RABEPK: variants seen among roughly 807,000 people sequenced by gnomAD.
The protein encoded by RABEPK is Rab9 effector protein with kelch motifs.
Under a neutral mutation model 34.1 loss-of-function variants are expected in RABEPK, and 27 were observed. The ratio of observed to expected loss-of-function variants is 0.79; its 90% CI spans 0.58 to 1.09. The LOEUF (loss-of-function observed/expected upper bound fraction) is 1.09, where lower values mean the gene tolerates loss of function less well. RABEPK is among the 50% of genes least tolerant of loss of function. The pLI is 0.00. For missense variants in RABEPK, 449 were observed against 462.6 expected (o/e 0.97, Z 0.27); for synonymous variants, 172 against 169.2 (o/e 1.02, Z -0.13).
At chr9:125,207,089 T>TAAA (rs80221176) in intron 2 of RABEPK, among the ~76,000 whole-genome samples, 1 of 133,064 alleles carries the variant, frequency 7.5e-6, no homozygotes, top group East Asian at 2.1e-4. Context: ...AACTCCATCT[T>TAAA]AAAAAAAAAA....
intron 5 of RABEPK, among the ~76,000 whole-genome samples, chr9:125,224,867 T>A (rs1402787479): frequency 1.3e-5 from 2 of 152,164 alleles, no homozygotes; most frequent in African/African-American, 2.4e-5. Context: ...CCAAATCCCA[T>A]ATTCTAACCA....
intron 3 of RABEPK, among the ~76,000 whole-genome samples, chr9:125,211,176 G>C (rs1043573938): frequency 2.0e-5 from 3 of 151,072 alleles, no homozygotes; most frequent in African/African-American, 7.3e-5. Context: ...GGCAGAGCTT[G>C]CAGTGAGCCG....
Position 125,233,814 on chromosome 9 carries a change from C to T in RABEPK, c.953C>T (p.Thr318Ile), listed in dbSNP as rs779522828. Residue 318 changes from threonine to isoleucine, a missense_variant, in exon 8 of 8, where the codon ACT becomes ATT. Thr to Ile is a moderately conservative substitution (Grantham distance 89). Transcript: ENST00000373538. ...GAGAAAGAAGATTCCAACTCTCTCACTCTGAACCATGAAGCTGAGAAAGAG... is the reference window on the plus strand; with the variant it reads ...GAGAAAGAAGATTCCAACTCTCTCATTCTGAACCATGAAGCTGAGAAAGAG... The part of the protein sequence containing the change: ...ASEKEDSNSL[T>I]LNHEAEKEDS... 7.4e-6 allele frequency: 12 copies of T among 1,614,044 alleles called. No individual in the cohort carries two copies. Among genetic ancestry groups the T allele is most frequent in the Admixed American group, 1.7e-5 (1 of 59,978 alleles).
intron 3 of RABEPK, among the ~76,000 whole-genome samples, chr9:125,212,045 T>TAA (rs1830622314): frequency 6.6e-6 from 1 of 152,196 alleles, no homozygotes; most frequent in African/African-American, 2.4e-5. Flanking sequence ...ACTTACATCT[T>TAA]TATTGCAACC....
At chr9:125,203,577 C>T (rs1385902127) in intron 2 of RABEPK, among the ~76,000 whole-genome samples, 1 of 152,142 alleles carries the variant, frequency 6.6e-6, no homozygotes, top group Non-Finnish European at 1.5e-5. Flanking sequence ...TCAGGGCCCA[C>T]AGAAGGTTGT....
intron 3 of RABEPK, among the ~76,000 whole-genome samples, chr9:125,209,560 G>A (rs1225731897): frequency 6.6e-6 from 1 of 152,076 alleles, no homozygotes; most frequent in Non-Finnish European, 1.5e-5. Flanking sequence ...ATGTTGGCCA[G>A]GCTGGTCTCA....
intron 4 of RABEPK, among the ~76,000 whole-genome samples, chr9:125,217,526 G>A (rs1235170052): frequency 6.6e-5 from 10 of 151,978 alleles, no homozygotes; most frequent in African/African-American, 2.4e-4. Flanking sequence ...TCAGCCTCTC[G>A]AGTAGCTGGG....
chr9:125,210,446 G>A (rs1247553529), intron 3 of RABEPK, among the ~76,000 whole-genome samples: 2 of 148,212 alleles, frequency 1.3e-5, no homozygotes, highest in African/African-American at 2.5e-5. Context: ...TTAGCTGGGC[G>A]TGGTGACTCA....
intron 5 of RABEPK, among the ~76,000 whole-genome samples, chr9:125,224,790 C>T (rs1280478599): frequency 1.3e-5 from 2 of 152,096 alleles, no homozygotes; most frequent in African/African-American, 4.8e-5. Flanking sequence ...GCCATAGAAA[C>T]TGCAGCTTAG....
At chr9:125,220,895 G>T (rs1160412746) in intron 5 of RABEPK, 195 bp downstream of exon 5, 11 of 664,154 alleles carry the variant, frequency 1.7e-5, no homozygotes, top group Non-Finnish European at 2.5e-5. Context: ...GGCCTGGCAT[G>T]GTGGCTCACA....
At chr9:125,224,426 T>C (rs937633182) in intron 5 of RABEPK, among the ~76,000 whole-genome samples, 1 of 151,202 alleles carries the variant, frequency 6.6e-6, no homozygotes, top group Non-Finnish European at 1.5e-5. Context: ...ATTTAATTCA[T>C]ACCTCAGCTC....
rs949385156 is a variant in RABEPK, at chr9:125,200,690, A to C, written c.-223A>C. On this transcript the variant is annotated 5_prime_UTR_variant, in exon 1 of 8. Coordinates refer to ENST00000373538, the MANE Select transcript of RABEPK (RefSeq NM_005833.4). ...AGGGGAGTGGGCCCAAGCCGGGTGCAAAGAACGGGGAAGGGCCTTCCCTGG... is the reference window on the plus strand; with the variant it reads ...AGGGGAGTGGGCCCAAGCCGGGTGCCAAGAACGGGGAAGGGCCTTCCCTGG... 1 of 471,222 alleles carries C rather than the reference A, an allele frequency of 2.1e-6. No individual in the cohort carries two copies. Among genetic ancestry groups the C allele is most frequent in the Non-Finnish European group, 4.4e-6 (1 of 227,062 alleles). 29.2% of individuals were successfully genotyped at this position (471,222 alleles called of 1,614,324 possible).
At chr9:125,203,355 CAT>C (rs1353169432) in intron 2 of RABEPK, among the ~76,000 whole-genome samples, 1 of 152,194 alleles carries the variant, frequency 6.6e-6, no homozygotes, top group Non-Finnish European at 1.5e-5. Flanking sequence ...AGCTCTGACT[CAT>C]TTTTAAGATT....
At chr9:125,229,689 A>C (rs926615646) in intron 6 of RABEPK, among the ~76,000 whole-genome samples, 1 of 152,242 alleles carries the variant, frequency 6.6e-6, no homozygotes, top group Non-Finnish European at 1.5e-5. Flanking sequence ...GGTGTTAGCC[A>C]TTAACCCATG....
intron 6 of RABEPK, among the ~76,000 whole-genome samples, chr9:125,231,955 A>G (rs1213239856): frequency 7.2e-6 from 1 of 139,360 alleles, no homozygotes; most frequent in South Asian, 2.3e-4. Context: ...GCTGGAGTGC[A>G]ATGGTGTGAT....
At position 125,220,642 on chromosome 9, in the gene RABEPK, G is replaced by A. The variant is rs1198101881; in HGVS notation, c.468G>A (p.Gly156=). The A allele has an allele frequency of 6.2e-6, 10 of 1,614,078 alleles. No individual in the cohort carries two copies. In the African/African-American group the frequency reaches 1.1e-4, roughly 17 times the overall value. ...TTGGAAACCAGCTATATGTCTTTGGGGGCGGAGAGAGAGGTGCCCAGCCCG... is the reference window on the plus strand; with the variant it reads ...TTGGAAACCAGCTATATGTCTTTGGAGGCGGAGAGAGAGGTGCCCAGCCCG... ...AAIGNQLYVF[G]GGERGAQPVQ... The change falls in exon 5 of 8, where the codon GGG becomes GGA. Residue 156 remains glycine, a synonymous_variant. Coordinates refer to ENST00000373538, the MANE Select transcript of RABEPK (RefSeq NM_005833.4).
intron 5 of RABEPK, among the ~76,000 whole-genome samples, chr9:125,222,713 CAA>C (rs756826019): frequency 1.0e-4 from 5 of 48,382 alleles, no homozygotes; most frequent in Non-Finnish European, 1.9e-4. Flanking sequence ...GACTCTGTAT[CAA>C]AAAAAAAAAA....
Position 125,227,901 on chromosome 9 carries a change from C to G in RABEPK, c.527-9C>G. On this transcript the variant is annotated splice_polypyrimidine_tract_variant and intron_variant, in intron 5 of 7. Coordinates refer to ENST00000373538, the MANE Select transcript of RABEPK (RefSeq NM_005833.4). ...TTGCCATTTGATGTTATTGAATTTACTTTTCTAGACACTCTGACCTGGTCA... is the reference window on the plus strand; with the variant it reads ...TTGCCATTTGATGTTATTGAATTTAGTTTTCTAGACACTCTGACCTGGTCA... 1.3e-6 allele frequency: 2 copies of G among 1,539,544 alleles called. No homozygotes were observed. Among genetic ancestry groups the G allele is most frequent in the Non-Finnish European group, 1.8e-6 (2 of 1,140,062 alleles).
intron 7 of RABEPK, among the ~76,000 whole-genome samples, chr9:125,233,063 C>T (rs1479635047): frequency 7.0e-6 from 1 of 143,174 alleles, no homozygotes; most frequent in Non-Finnish European, 1.5e-5. Context: ...GGTGACAGAG[C>T]GAGACTCTGT....
Sources: allele counts gnomAD v4.1 joint callset (sites outside exome capture counted in the v4.1 genomes callset), GRCh38; gene constraint gnomAD v4.1.1; transcripts MANE v1.5; gene names NCBI Gene and HGNC (gene_info 2026-07-23, HGNC 2026-07-21).